Variants in KCNH1 observed in about 807,000 individuals in gnomAD.
The protein encoded by KCNH1 is potassium voltage-gated channel subfamily H member 1.
In KCNH1, 27 loss-of-function variants were observed where a neutral mutation model predicts 69.2. That is an observed-to-expected ratio of 0.39 (90% CI 0.29 to 0.54). The LOEUF (loss-of-function observed/expected upper bound fraction) is 0.54. Among genes scored for constraint, KCNH1 ranks in the 20% least tolerant of loss-of-function variants. The probability of loss-of-function intolerance (pLI) is 0.68; values close to 1 mark genes in which losing one functional copy is unlikely to be tolerated. For missense variants in KCNH1, 798 were observed against 1,261.6 expected (o/e 0.63, Z 5.57); for synonymous variants, 456 against 487.7 (o/e 0.93, Z 0.86).
chr1:211,006,807 T>C (rs986557252), intron 6 of KCNH1, among the ~76,000 whole-genome samples: 1 of 152,178 alleles, frequency 6.6e-6, no homozygotes, highest in South Asian at 2.1e-4. Context: ...AATGAACTAC[T>C]GTATAATCAT....
At chr1:211,067,442 T>C (rs750005213) in intron 5 of KCNH1, among the ~76,000 whole-genome samples, 9 of 152,184 alleles carry the variant, frequency 5.9e-5, no homozygotes, top group Non-Finnish European at 1.0e-4. Context: ...CTTATCTAGC[T>C]GGCAATCTTT....
At chr1:210,711,146 G>A (rs1444384191) in intron 10 of KCNH1, among the ~76,000 whole-genome samples, 2 of 152,180 alleles carry the variant, frequency 1.3e-5, no homozygotes, top group Admixed American at 1.3e-4. Context: ...TGCTAGCCAA[G>A]CCAGCCTCTC....
At chr1:210,867,703 A>T (rs922517996) in intron 7 of KCNH1, among the ~76,000 whole-genome samples, 1 of 152,018 alleles carries the variant, frequency 6.6e-6, no homozygotes, top group Admixed American at 6.6e-5. Flanking sequence ...GCAACAATTG[A>T]TCTACTTTAT....
chr1:210,927,591 A>G (rs1415099394), intron 6 of KCNH1, among the ~76,000 whole-genome samples: 2 of 152,222 alleles, frequency 1.3e-5, no homozygotes, highest in African/African-American at 4.8e-5. Flanking sequence ...TCCTTGAAGT[A>G]CACCAAAATG....
chr1:210,864,816 A>G (rs796219890), intron 7 of KCNH1, among the ~76,000 whole-genome samples: 21 of 152,340 alleles, frequency 1.4e-4, no homozygotes, highest in African/African-American at 5.1e-4. Flanking sequence ...GAAAGATTCA[A>G]AGACTGGGAT....
chr1:210,889,404 T>A (rs1686695557), intron 7 of KCNH1, among the ~76,000 whole-genome samples: 1 of 152,180 alleles, frequency 6.6e-6, no homozygotes, highest in African/African-American at 2.4e-5. Flanking sequence ...GGAACGTATC[T>A]CAAAATAATG....
At chr1:211,117,103 T>G (rs149748645) in intron 1 of KCNH1, among the ~76,000 whole-genome samples, 24 of 152,296 alleles carry the variant, frequency 1.6e-4, no homozygotes, top group African/African-American at 3.6e-4. Context: ...TATGAATACC[T>G]TCAGAGGAAG....
intron 10 of KCNH1, among the ~76,000 whole-genome samples, chr1:210,772,287 T>C (rs561722566): frequency 6.6e-6 from 1 of 152,276 alleles, no homozygotes; most frequent in South Asian, 2.1e-4. Context: ...CAGATAGATG[T>C]CAAAGGCACT....
intron 7 of KCNH1, among the ~76,000 whole-genome samples, chr1:210,811,608 A>G (rs936493405): frequency 6.6e-6 from 1 of 152,184 alleles, no homozygotes; most frequent in African/African-American, 2.4e-5. Context: ...AGATATAAAC[A>G]TGTGCATTCA....
At chr1:210,972,961 C>G (rs1313045078) in intron 6 of KCNH1, among the ~76,000 whole-genome samples, 1 of 151,006 alleles carries the variant, frequency 6.6e-6, no homozygotes, top group African/African-American at 2.4e-5. Flanking sequence ...GGCTGTTTGC[C>G]TCCCATCTAC....
chr1:211,098,623 G>A (rs1464411181), intron 3 of KCNH1, among the ~76,000 whole-genome samples: 1 of 151,920 alleles, frequency 6.6e-6, no homozygotes, highest in African/African-American at 2.4e-5. Context: ...GAATGAGACT[G>A]GGAAAAAAAG....
At chr1:210,851,060 C>G (rs1207725380) in intron 7 of KCNH1, among the ~76,000 whole-genome samples, 1 of 152,236 alleles carries the variant, frequency 6.6e-6, no homozygotes, top group Non-Finnish European at 1.5e-5. Context: ...CACGTATCCT[C>G]AGAAGACAAA....
At chr1:210,917,225 G>GAA (rs771690002) in intron 7 of KCNH1, among the ~76,000 whole-genome samples, 4,576 of 79,606 alleles carry the variant, frequency 0.057, 100 homozygotes, top group East Asian at 0.082. Flanking sequence ...GAGAGAGAGA[G>GAA]AGAGAGAAAG....
At chr1:210,965,575 AC>A (rs1688383172) in intron 6 of KCNH1, among the ~76,000 whole-genome samples, 1 of 151,708 alleles carries the variant, frequency 6.6e-6, no homozygotes, top group African/African-American at 2.4e-5. Context: ...AAACTATACT[AC>A]CAACTATACA....
chr1:210,911,631 C>CAA (rs61661527), intron 7 of KCNH1, among the ~76,000 whole-genome samples: 168 of 104,954 alleles, frequency 1.6e-3, no homozygotes, highest in Middle Eastern at 5.2e-3. Context: ...ATTTTCAAAG[C>CAA]AAAAAAAAAA....
At chr1:211,022,215 T>C (rs1689598293) in intron 5 of KCNH1, among the ~76,000 whole-genome samples, 1 of 152,086 alleles carries the variant, frequency 6.6e-6, no homozygotes, top group Non-Finnish European at 1.5e-5. Context: ...GCCAAGAATA[T>C]ACATTGAGAA....
chr1:210,791,132 C>A (rs1345108587), intron 9 of KCNH1, among the ~76,000 whole-genome samples: 2 of 152,130 alleles, frequency 1.3e-5, no homozygotes, highest in African/African-American at 4.8e-5. Flanking sequence ...TTGACCCTAC[C>A]ATGTGGTATG....
At chr1:210,796,466 T>G (rs1410083044) in intron 9 of KCNH1, among the ~76,000 whole-genome samples, 1 of 152,088 alleles carries the variant, frequency 6.6e-6, no homozygotes, top group Non-Finnish European at 1.5e-5. Flanking sequence ...ATACCACCAA[T>G]AAAGAGCTGT....
At chr1:210,995,644 T>G (rs890582993) in intron 6 of KCNH1, among the ~76,000 whole-genome samples, 1 of 152,158 alleles carries the variant, frequency 6.6e-6, no homozygotes, top group African/African-American at 2.4e-5. Flanking sequence ...TCCTCAAGCA[T>G]AGGAATATTT....
Sources: gnomAD v4.1 joint callset for allele counts (sites outside exome capture counted in the v4.1 genomes callset) on GRCh38, gnomAD v4.1.1 for gene constraint, MANE v1.5 for transcripts, NCBI Gene and HGNC (gene_info 2026-07-23, HGNC 2026-07-21) for gene names.